TENM1: variants seen among roughly 807,000 people sequenced by gnomAD.
TENM1 encodes the protein teneurin-1.
Under a neutral mutation model 174.8 loss-of-function variants are expected in TENM1, and 35 were observed. The ratio of observed to expected loss-of-function variants is 0.20; its 90% CI spans 0.15 to 0.27. TENM1 has a LOEUF of 0.27. Ranked by LOEUF, TENM1 falls within the 10% of genes least tolerant of loss-of-function variation. TENM1 has a pLI of 1.00. For missense variants in TENM1, 1,633 were observed against 2,130.1 expected (o/e 0.77, Z 4.59); for synonymous variants, 781 against 798.7 (o/e 0.98, Z 0.37).
chrX:124,613,401 CA>C (rs3216398), intron 11 of TENM1, among the ~76,000 whole-genome samples: 92 of 100,965 alleles, frequency 9.1e-4, no homozygotes, highest in African/African-American at 2.2e-3. Context: ...ATTCTGAATA[CA>C]AAAAAAAAAG....
At chrX:125,199,590 A>G in the TENM1 span, among the ~76,000 whole-genome samples, 1 of 111,501 alleles carries the variant, frequency 9.0e-6, no homozygotes, top group Non-Finnish European at 1.9e-5. Flanking sequence ...TTGTTTACCT[A>G]AAGTGGAGGC....
At chrX:124,974,357 C>T in the TENM1 span, among the ~76,000 whole-genome samples, 1 of 111,633 alleles carries the variant, frequency 9.0e-6, no homozygotes, top group Non-Finnish European at 1.9e-5. Context: ...CATTAGTTTA[C>T]ATGTATTTGT....
chrX:124,454,412 T>G (rs1021068198), intron 22 of TENM1, among the ~76,000 whole-genome samples: 2 of 108,939 alleles, frequency 1.8e-5, no homozygotes, highest in Non-Finnish European at 3.8e-5. Flanking sequence ...GGTGTTTTTT[T>G]TTTTTGTTTT....
intron 3 of TENM1, among the ~76,000 whole-genome samples, chrX:124,834,248 T>C (rs1325721500): frequency 2.7e-5 from 3 of 112,042 alleles, no homozygotes; most frequent in Non-Finnish European, 5.6e-5. Context: ...CTCAGCTCAC[T>C]GCAACCTCTG....
the TENM1 span, among the ~76,000 whole-genome samples, chrX:125,035,178 G>C: frequency 9.0e-6 from 1 of 111,258 alleles, no homozygotes. Context: ...GTATCGGGAA[G>C]TGAGTATGGA....
chrX:124,815,511 A>G (rs2055876368), intron 3 of TENM1, among the ~76,000 whole-genome samples: 1 of 111,844 alleles, frequency 8.9e-6, no homozygotes, highest in Admixed American at 9.6e-5. Flanking sequence ...CTAAAACACT[A>G]GACAATATTA....
chrX:124,378,801 A>C (rs1057078847), exon 32 of TENM1: 3 of 112,188 alleles, frequency 2.7e-5, no homozygotes, highest in African/African-American at 9.7e-5. Context: ...TGAGCTTATG[A>C]CTTTGCATAT....
At chrX:124,866,850 T>A (rs748741357) in intron 3 of TENM1, among the ~76,000 whole-genome samples, 52 of 111,247 alleles carry the variant, frequency 4.7e-4, no homozygotes, top group African/African-American at 1.5e-3. Flanking sequence ...AAAGTATCAT[T>A]AGTGTAATAT....
At chrX:124,758,530 T>G (rs1168627173) in intron 3 of TENM1, among the ~76,000 whole-genome samples, 1 of 111,446 alleles carries the variant, frequency 9.0e-6, no homozygotes, top group Non-Finnish European at 1.9e-5. Flanking sequence ...GCAACCCTAT[T>G]AAAGAGAATA....
At chrX:125,044,306 G>A in the TENM1 span, among the ~76,000 whole-genome samples, 1 of 109,403 alleles carries the variant, frequency 9.1e-6, no homozygotes, top group South Asian at 4.0e-4. Context: ...AATAGAAATG[G>A]GCTGGGTGTG....
the TENM1 span, among the ~76,000 whole-genome samples, chrX:124,985,362 A>G: frequency 8.9e-6 from 1 of 112,482 alleles, no homozygotes; most frequent in Admixed American, 9.5e-5. Context: ...AAAAATACAA[A>G]GACACAGATC....
chrX:125,025,579 G>A, the TENM1 span, among the ~76,000 whole-genome samples: 1 of 111,272 alleles, frequency 9.0e-6, no homozygotes, highest in Admixed American at 9.6e-5. Context: ...CAGCTCCAGA[G>A]GTGTGTCCAT....
chrX:124,889,188 G>A (rs2057435855), intron 3 of TENM1, among the ~76,000 whole-genome samples: 1 of 111,173 alleles, frequency 9.0e-6, no homozygotes. Flanking sequence ...TGACAGCCCT[G>A]CATTGGGAAT....
chrX:125,001,304 A>C, the TENM1 span, among the ~76,000 whole-genome samples: 1 of 111,162 alleles, frequency 9.0e-6, no homozygotes, highest in African/African-American at 3.3e-5. Context: ...TCTATATGAG[A>C]TAGGGCCTCC....
intron 3 of TENM1, among the ~76,000 whole-genome samples, chrX:124,785,207 T>C (rs1435045705): frequency 9.0e-6 from 1 of 111,648 alleles, no homozygotes; most frequent in African/African-American, 3.2e-5. Flanking sequence ...TGTAACTGAG[T>C]GGTCAAGTAT....
chrX:124,735,828 T>A (rs1377196999), intron 4 of TENM1, among the ~76,000 whole-genome samples: 1 of 111,716 alleles, frequency 9.0e-6, no homozygotes, highest in African/African-American at 3.3e-5. Context: ...GCTAACTCAG[T>A]AACAGAAAAT....
chrX:124,895,824 A>G lies in TENM1; in HGVS notation c.478+157T>C, dbSNP rs138260810. 8.4e-3 allele frequency among the ~76,000 whole-genome samples: 943 copies of G among 112,395 alleles called. 5 individuals are homozygous for G. Among genetic ancestry groups the G allele is most frequent in the Non-Finnish European group, 0.013 (712 of 53,293 alleles). On this transcript the variant is annotated intron_variant, in intron 2 of 31. Transcript: ENST00000422452. ...ATAAATAAATGTCTATTTGCCAGAT[A>G]CTTAGGTGCATGCCTTGTCCATGAG...
At chrX:125,190,324 C>T in the TENM1 span, among the ~76,000 whole-genome samples, 2 of 112,197 alleles carry the variant, frequency 1.8e-5, no homozygotes, top group African/African-American at 6.5e-5. Context: ...GCTGAATAGC[C>T]AAGTAATCTA....
intron 19 of TENM1, among the ~76,000 whole-genome samples, chrX:124,500,950 C>A (rs2047315372): frequency 9.0e-6 from 1 of 111,627 alleles, no homozygotes; most frequent in South Asian, 3.7e-4. Flanking sequence ...ACATTTACTT[C>A]TCCTCCCAGT....
Sources: gnomAD v4.1 joint callset for allele counts (sites outside exome capture counted in the v4.1 genomes callset) on GRCh38, gnomAD v4.1.1 for gene constraint, MANE v1.5 for transcripts, NCBI Gene and HGNC (gene_info 2026-07-23, HGNC 2026-07-21) for gene names.